Variants in PALM2AKAP2 observed in about 807,000 individuals in gnomAD.
The protein encoded by PALM2AKAP2 is PALM2-AKAP2 fusion protein.
In PALM2AKAP2, 37 loss-of-function variants were observed where a neutral mutation model predicts 71.5. That is an observed-to-expected ratio of 0.52 (90% CI 0.40 to 0.68). The LOEUF is 0.68. PALM2AKAP2 is among the 30% of genes least tolerant of loss of function. The pLI, the probability that PALM2AKAP2 is intolerant of heterozygous loss-of-function variation, is 0.00. For missense variants in PALM2AKAP2, 1,224 were observed against 1,191.8 expected (o/e 1.03, Z -0.40); for synonymous variants, 468 against 478.8 (o/e 0.98, Z 0.29).
chr9:109,826,197 C>T (rs1564166485), intron 1 of PALM2AKAP2, among the ~76,000 whole-genome samples: 2 of 149,600 alleles, frequency 1.3e-5, no homozygotes, highest in Non-Finnish European at 3.0e-5. Flanking sequence ...GGGAACATCA[C>T]ACACCGGGGC....
intron 6 of PALM2AKAP2, among the ~76,000 whole-genome samples, chr9:110,007,777 A>T (rs1832811514): frequency 6.6e-6 from 1 of 152,208 alleles, no homozygotes; most frequent in Non-Finnish European, 1.5e-5. Flanking sequence ...TTTATTTAAC[A>T]TGTGCATGGG....
rs370664063 is a variant in PALM2AKAP2 at position 109,691,205 on chromosome 9, ATG to A, written c.5+50340_5+50341del. Among the ~76,000 whole-genome samples the A allele has an allele frequency of 1.1e-3, 164 of 148,718 alleles. 1 individual carries two copies. The highest frequency in any genetic ancestry group is 3.7e-3 in the African/African-American group (149 of 40,070). On this transcript the variant is annotated intron_variant, in intron 1 of 6. Coordinates refer to the PALM2AKAP2 transcript ENST00000374531. ...CACACACACACACACACACACACAC[ATG>A]CACACACAGCTTCATATATCCTGCA...
intron 2 of PALM2AKAP2, among the ~76,000 whole-genome samples, chr9:110,147,939 A>T (rs186077297): frequency 1.3e-5 from 2 of 152,314 alleles, no homozygotes; most frequent in African/African-American, 2.4e-5. Flanking sequence ...TCTCTTAGAA[A>T]CTTGAGGTCA....
chr9:109,662,340 C>T (rs988310654), intron 1 of PALM2AKAP2, among the ~76,000 whole-genome samples: 3 of 152,176 alleles, frequency 2.0e-5, no homozygotes, highest in Non-Finnish European at 2.9e-5. Context: ...AAATATGTTC[C>T]ATCAGTACCT....
At chr9:109,961,098 G>A (rs1159185052) in intron 6 of PALM2AKAP2, among the ~76,000 whole-genome samples, 1 of 152,202 alleles carries the variant, frequency 6.6e-6, no homozygotes, top group Non-Finnish European at 1.5e-5. Flanking sequence ...TGTGAATGGT[G>A]CTCTTGGAGT....
rs1827844805 is a variant in PALM2AKAP2, at chr9:109,689,199, T to TC, written c.5+48334dup. ...TGGAACAATACCTTCTTTTTTCTTT[T>TC]CTTTTTTTTTTTTTTTTTTTTTAGA... On this transcript the variant is annotated intron_variant, in intron 1 of 6. Transcript: ENST00000374531. Among the ~76,000 whole-genome samples, 3 of 98,830 alleles carry TC rather than the reference T, an allele frequency of 3.0e-5. No individual in the cohort carries two copies. The South Asian group carries it at 8.9e-4, about 29-fold the overall frequency. 64.8% of individuals were successfully genotyped at this position (98,830 alleles called of 152,430 possible).
intron 2 of PALM2AKAP2, among the ~76,000 whole-genome samples, chr9:109,867,796 G>A (rs1829495806): frequency 1.3e-5 from 2 of 152,158 alleles, no homozygotes; most frequent in Admixed American, 1.3e-4. Flanking sequence ...TGTGCATGTG[G>A]ACAGGGTGGA....
chr9:110,116,064 A>G lies in PALM2AKAP2; in HGVS notation c.157-20063A>G, dbSNP rs191799713. 1.1e-4 allele frequency among the ~76,000 whole-genome samples: 16 copies of G among 152,294 alleles called. No homozygotes were observed. In the East Asian group the frequency reaches 3.1e-3, roughly 29 times the overall value. On this transcript the variant is annotated intron_variant, in intron 1 of 3. Coordinates refer to ENST00000374525, the Ensembl canonical transcript of PALM2AKAP2. ...GAGACCTGTTCTGTTCCCTGGACTCAGCTCCCATAGAGTCCACCACTGACC... is the reference window on the plus strand; with the variant it reads ...GAGACCTGTTCTGTTCCCTGGACTCGGCTCCCATAGAGTCCACCACTGACC...
At chr9:109,927,836 C>T (rs1181020258) in intron 5 of PALM2AKAP2, among the ~76,000 whole-genome samples, 2 of 152,228 alleles carry the variant, frequency 1.3e-5, no homozygotes, top group Non-Finnish European at 2.9e-5. Context: ...ATGTCTTGTA[C>T]ACCTATAAAT....
chr9:109,983,166 T>G (rs972531261), intron 6 of PALM2AKAP2, among the ~76,000 whole-genome samples: 27 of 152,226 alleles, frequency 1.8e-4, no homozygotes, highest in Admixed American at 7.9e-4. Context: ...TTTCCGGCTT[T>G]CAGGATAGCG....
intron 1 of PALM2AKAP2, among the ~76,000 whole-genome samples, chr9:109,801,013 C>A (rs1827415698): frequency 6.6e-6 from 1 of 152,128 alleles, no homozygotes; most frequent in African/African-American, 2.4e-5. Flanking sequence ...TTCAATTAGC[C>A]CAGTCTGGTT....
intron 1 of PALM2AKAP2, among the ~76,000 whole-genome samples, chr9:109,774,185 G>T (rs369302778): frequency 6.6e-6 from 1 of 152,200 alleles, no homozygotes; most frequent in Non-Finnish European, 1.5e-5. Context: ...GGAGCACATC[G>T]TGGTCATTGT....
At chr9:109,691,833 G>GATATATATATATAT (rs1185965530) in intron 1 of PALM2AKAP2, among the ~76,000 whole-genome samples, 7 of 36,018 alleles carry the variant, frequency 1.9e-4, no homozygotes, top group Non-Finnish European at 2.1e-4. Flanking sequence ...CCAGAAAGAC[G>GATATATATATATAT]ATATATATAT....
At chr9:109,691,254 C>T (rs533792618) in intron 1 of PALM2AKAP2, among the ~76,000 whole-genome samples, 11 of 151,820 alleles carry the variant, frequency 7.2e-5, no homozygotes, top group South Asian at 4.2e-4. Context: ...TCTGTCAGCA[C>T]AATAGCTGGG....
intron 6 of PALM2AKAP2, among the ~76,000 whole-genome samples, chr9:110,015,047 A>T (rs1206485255): frequency 1.3e-5 from 2 of 151,892 alleles, no homozygotes; most frequent in African/African-American, 4.8e-5. Flanking sequence ...GTCTTGCCGG[A>T]TGTCCACTCT....
chr9:109,830,309 A>G (rs1828263057), intron 1 of PALM2AKAP2, among the ~76,000 whole-genome samples: 2 of 152,226 alleles, frequency 1.3e-5, no homozygotes, highest in South Asian at 2.1e-4. Context: ...CACAAAATTC[A>G]TTGTCCAAAT....
chr9:109,928,753 C>T (rs1432590514), intron 5 of PALM2AKAP2, among the ~76,000 whole-genome samples: 8 of 151,570 alleles, frequency 5.3e-5, no homozygotes, highest in South Asian at 2.1e-4. Flanking sequence ...CTCACTGCAA[C>T]GTCCGCCTCC....
chr9:109,880,598 A>C (rs1277833325), exon 3 of PALM2AKAP2: 2 of 1,613,620 alleles, frequency 1.2e-6, no homozygotes, highest in Admixed American at 1.7e-5. Context: ...TACCCGCTGG[A>C]ACTGCCGAAG....
At chr9:109,803,389 C>A (rs1312711748) in intron 1 of PALM2AKAP2, among the ~76,000 whole-genome samples, 2 of 152,104 alleles carry the variant, frequency 1.3e-5, no homozygotes, top group Non-Finnish European at 2.9e-5. Flanking sequence ...CCAGGGTAGG[C>A]ACCGCCTGTT....
Sources: allele counts gnomAD v4.1 joint callset (sites outside exome capture counted in the v4.1 genomes callset), GRCh38; gene constraint gnomAD v4.1.1; transcripts MANE v1.5; gene names NCBI Gene and HGNC (gene_info 2026-07-23, HGNC 2026-07-21).